The following GFRA2 variants were observed in gnomAD, a reference collection of about 807,000 sequenced individuals.
GFRA2 encodes GDNF family receptor alpha 2.
Under a neutral mutation model 48.3 loss-of-function variants are expected in GFRA2, and 17 were observed. The observed-to-expected ratio is 0.35, with a 90% CI of 0.24 to 0.53. The LOEUF is 0.53. Ranked by LOEUF, GFRA2 falls within the 20% of genes least tolerant of loss-of-function variation. The pLI is 0.93. For missense variants in GFRA2, 660 were observed against 637.3 expected (o/e 1.04, Z -0.38); for synonymous variants, 305 against 257.2 (o/e 1.19, Z -1.78).
At chr8:21,710,240 G>A (rs531596597) in intron 4 of GFRA2, among the ~76,000 whole-genome samples, 2 of 152,336 alleles carry the variant, frequency 1.3e-5, no homozygotes, top group South Asian at 2.1e-4. Context: ...CTTGGGCTGC[G>A]ACAGAGAGCT....
chr8:21,716,826 A>C (rs965887702), intron 4 of GFRA2, among the ~76,000 whole-genome samples: 5 of 152,186 alleles, frequency 3.3e-5, no homozygotes, highest in Non-Finnish European at 7.3e-5. Flanking sequence ...AGCAAGCACA[A>C]CCCTAGCCCA....
chr8:21,710,892 A>T (rs1802989154), intron 4 of GFRA2, among the ~76,000 whole-genome samples: 1 of 152,182 alleles, frequency 6.6e-6, no homozygotes, highest in Non-Finnish European at 1.5e-5. Flanking sequence ...ATTTAGGAGG[A>T]CACAGAGTCC....
chr8:21,776,573 C>T (rs945496970), intron 2 of GFRA2, among the ~76,000 whole-genome samples: 3 of 151,216 alleles, frequency 2.0e-5, no homozygotes, highest in Non-Finnish European at 2.9e-5. Context: ...TGGGTTCAAG[C>T]GATCCTCCCA....
At chr8:21,703,711 AAGCACTGGC>A (rs1802599289) in intron 6 of GFRA2, among the ~76,000 whole-genome samples, 1 of 152,132 alleles carries the variant, frequency 6.6e-6, no homozygotes, top group Non-Finnish European at 1.5e-5. Context: ...CTCCCTGCAC[AAGCACTGGC>A]AGCCCGCTGA....
At chr8:21,799,782 G>A (rs1807740276) in intron 2 of GFRA2, among the ~76,000 whole-genome samples, 2 of 152,138 alleles carry the variant, frequency 1.3e-5, no homozygotes, top group African/African-American at 4.8e-5. Flanking sequence ...TGAAGGCATG[G>A]CCCATAACGA....
intron 3 of GFRA2, among the ~76,000 whole-genome samples, chr8:21,766,408 G>A (rs1408764693): frequency 6.6e-6 from 1 of 151,946 alleles, no homozygotes; most frequent in African/African-American, 2.4e-5. Flanking sequence ...CATGTTGTTC[G>A]CTGATGTATC....
Position 21,750,812 on chromosome 8 carries a change from C to A in GFRA2, c.570G>T (p.Ser190=). The A allele has an allele frequency of 6.2e-7, 1 of 1,613,946 alleles. No individual in the cohort carries two copies. Among genetic ancestry groups the A allele is most frequent in the Non-Finnish European group, 8.5e-7 (1 of 1,179,890 alleles). ...TGCGGCGGTTGCAGCGCTCGGTGGG[C>A]GAGATCTCGCGGTTGCAGATGGAGA... ...SYISICNREI[S]PTERCNRRKC... is the part of the protein sequence containing the mutation. Residue 190 remains serine (S), a synonymous_variant, in exon 4 of 9, where the codon TCG becomes TCT. Transcript: ENST00000524240. The surrounding 1 kb of genome is among the most constrained non-coding windows in gnomAD (Gnocchi z 5.7).
chr8:21,804,117 T>G (rs1585354040), intron 2 of GFRA2, among the ~76,000 whole-genome samples: 30 of 152,170 alleles, frequency 2.0e-4, no homozygotes, highest in Non-Finnish European at 1.5e-5. Flanking sequence ...GTCAGTCCCC[T>G]GTCTCCAAAA....
chr8:21,775,021 C>A lies in GFRA2; in HGVS notation c.390G>T (p.Pro130=). The part of the protein sequence containing the change: ...EEFYEASPYE[P]VTSRLSDIFR... ...AGATGTCCGAGAGGCGGGAGGTCAC[C>A]GGCTCATAGGGGGAGGCTTCGTAGA... The change falls in exon 3 of 9, where the codon CCG becomes CCT. Residue 130 remains proline, a synonymous_variant. Transcript: ENST00000524240. 6.2e-7 allele frequency: 1 copy of A among 1,605,048 alleles called. No homozygotes were observed. Among genetic ancestry groups the A allele is most frequent in the Non-Finnish European group, 8.5e-7 (1 of 1,172,122 alleles).
At chr8:21,694,055 T>TTATTTATTTATATATATATATA (rs1802022376) in intron 8 of GFRA2, among the ~76,000 whole-genome samples, 1 of 77,466 alleles carries the variant, frequency 1.3e-5, no homozygotes, top group Non-Finnish European at 2.9e-5. Flanking sequence ...ATATATATAT[T>TTATTTATTTATATATATATATA]TATATATATA....
At chr8:21,758,862 TCAA>T (rs1805723825) in intron 3 of GFRA2, among the ~76,000 whole-genome samples, 1 of 151,640 alleles carries the variant, frequency 6.6e-6, no homozygotes, top group African/African-American at 2.4e-5. Flanking sequence ...CTGTGCAAAC[TCAA>T]CAGCATGTGT....
intron 2 of GFRA2, among the ~76,000 whole-genome samples, chr8:21,798,794 A>G (rs1346852343): frequency 2.0e-5 from 3 of 152,082 alleles, no homozygotes; most frequent in Non-Finnish European, 2.9e-5. Flanking sequence ...TACTCCAGTG[A>G]CTCGGTGCTC....
intron 1 of GFRA2, among the ~76,000 whole-genome samples, chr8:21,806,406 G>C (rs944877750): frequency 6.6e-6 from 1 of 152,192 alleles, no homozygotes; most frequent in African/African-American, 2.4e-5. Flanking sequence ...GCTAATATAA[G>C]TGTTCTCGGC....
chr8:21,775,255 G>A (rs1164859906), intron 2 of GFRA2, among the ~76,000 whole-genome samples, 200 bp from the exon 3 acceptor site: 1 of 152,168 alleles, frequency 6.6e-6, no homozygotes, highest in Admixed American at 6.5e-5. Flanking sequence ...TTTCATCTGG[G>A]CAGGTCTGTC....
intron 1 of GFRA2, chr8:21,783,190 C>T (rs1372690472): frequency 1.0e-5 from 6 of 575,192 alleles, no homozygotes; most frequent in African/African-American, 9.2e-5. Flanking sequence ...CTCAAGACCT[C>T]AGTCTAAGAC....
chr8:21,788,636 G>A lies in GFRA2; in HGVS notation c.-477C>T, dbSNP rs1807407104. Reference sequence around the variant, plus strand: ...AAATAGAAAAGAAATCCACAGACGGGTGTCAGCGCCCAAGAACAATCCAGT... The same window carrying A: ...AAATAGAAAAGAAATCCACAGACGGATGTCAGCGCCCAAGAACAATCCAGT... On this transcript the variant is annotated 5_prime_UTR_variant, in exon 1 of 9. Coordinates refer to ENST00000524240, the MANE Select transcript of GFRA2 (RefSeq NM_001495.5). 1.0e-6 allele frequency: 1 copy of A among 987,052 alleles called. No homozygotes were observed. Among genetic ancestry groups the A allele is most frequent in the African/African-American group, 1.7e-5 (1 of 57,454 alleles). 61.1% of individuals were successfully genotyped at this position (987,052 alleles called of 1,614,324 possible).
At chr8:21,728,632 C>T (rs1334567938) in intron 4 of GFRA2, among the ~76,000 whole-genome samples, 2 of 152,244 alleles carry the variant, frequency 1.3e-5, no homozygotes, top group Admixed American at 1.3e-4. Flanking sequence ...CCATGGACCA[C>T]ATCTGGAGAG....
chr8:21,694,656 T>C (rs1802066723), intron 7 of GFRA2, 139 bp from the exon 8 acceptor site: 4 of 760,560 alleles, frequency 5.3e-6, no homozygotes, highest in African/African-American at 3.4e-5. Flanking sequence ...AGAGGGTAGC[T>C]CAATTCCACC....
intron 4 of GFRA2, among the ~76,000 whole-genome samples, chr8:21,722,137 T>C (rs549057058): frequency 6.6e-6 from 1 of 152,188 alleles, no homozygotes; most frequent in African/African-American, 2.4e-5. Context: ...GTTTAGCTGA[T>C]CCCAGAAACC....
Sources: gnomAD v4.1 joint callset for allele counts (sites outside exome capture counted in the v4.1 genomes callset) on GRCh38, gnomAD v4.1.1 for gene constraint, Gnocchi (gnomAD v3.1) non-coding constraint, MANE v1.5 for transcripts, NCBI Gene and HGNC (gene_info 2026-07-23, HGNC 2026-07-21) for gene names.